The following TBC1D15 variants were observed in gnomAD, a reference collection of about 807,000 sequenced individuals.
The protein encoded by TBC1D15 is TBC1 domain family member 15.
A neutral mutation model predicts 95.4 loss-of-function variants in TBC1D15; 39 were observed. The ratio of observed to expected loss-of-function variants is 0.41; its 90% confidence interval spans 0.32 to 0.53. TBC1D15 has a LOEUF of 0.53. TBC1D15 is among the 20% of genes least tolerant of loss of function. TBC1D15 has a pLI of 0.29. For synonymous variants in TBC1D15, 258 were observed against 261.3 expected, an observed-to-expected ratio of 0.99 and a Z score of 0.12; for missense variants, 733 against 794.3, an observed-to-expected ratio of 0.92 and a Z score of 0.93.
chr12:71,865,043 G>A (rs1008192274), intron 1 of TBC1D15, among the ~76,000 whole-genome samples: 2 of 152,284 alleles, frequency 1.3e-5, no homozygotes, highest in African/African-American at 2.4e-5. Flanking sequence ...CTTAGCTGAG[G>A]GTGTCTAAGT....
At chr12:71,852,670 A>G (rs769970979) in intron 1 of TBC1D15, among the ~76,000 whole-genome samples, 2 of 152,216 alleles carry the variant, frequency 1.3e-5, no homozygotes, top group Non-Finnish European at 1.5e-5. Flanking sequence ...TAAATCATCC[A>G]TCTCAAGTTC....
chr12:71,921,256 A>G (rs1869211664), intron 15 of TBC1D15, 112 bp from the exon 16 acceptor site: 1 of 479,338 alleles, frequency 2.1e-6, no homozygotes. Context: ...GAATGTTTTT[A>G]TTTTAAGGAT....
chr12:71,858,136 G>A (rs906353651), intron 1 of TBC1D15, among the ~76,000 whole-genome samples: 2 of 151,358 alleles, frequency 1.3e-5, no homozygotes, highest in African/African-American at 4.9e-5. Context: ...GCAGTGGCGT[G>A]ACCTCGGCTC....
intron 5 of TBC1D15, among the ~76,000 whole-genome samples, chr12:71,889,147 A>G (rs1896787578): frequency 6.6e-6 from 1 of 152,182 alleles, no homozygotes; most frequent in Non-Finnish European, 1.5e-5. Flanking sequence ...ACCCTTTAAT[A>G]ATCTGGTAAA....
chr12:71,854,196 T>C (rs1888493249), intron 1 of TBC1D15, among the ~76,000 whole-genome samples: 2 of 152,232 alleles, frequency 1.3e-5, no homozygotes, highest in Non-Finnish European at 2.9e-5. Context: ...CAATAGTCAC[T>C]ATCCTTCATT....
intron 1 of TBC1D15, among the ~76,000 whole-genome samples, chr12:71,858,095 G>A (rs551698429): frequency 8.6e-5 from 13 of 150,762 alleles, no homozygotes; most frequent in African/African-American, 2.2e-4. Flanking sequence ...TTTTTGAGAC[G>A]GAGTTTCGCT....
intron 1 of TBC1D15, among the ~76,000 whole-genome samples, chr12:71,858,022 T>C (rs12581621): frequency 0.058 from 8,825 of 152,262 alleles, 359 homozygotes; most frequent in South Asian, 0.15. Flanking sequence ...AGGATTTTTT[T>C]CATTTTTATG....
In TBC1D15 at chr12:71,923,537, C is replaced by G. The variant is rs1375773826; in HGVS notation, c.*333C>G. 4.7e-6 allele frequency: 1 copy of G among 211,510 alleles called. No homozygotes were observed. The highest frequency in any genetic ancestry group is 9.5e-6 in the Non-Finnish European group (1 of 104,972). The allele number at this position is 211,510 out of a possible 1,614,324, so 13.1% of individuals were successfully genotyped here. A position where few individuals can be genotyped will look rare whatever the true frequency, so the allele number is the denominator to read the frequency against. On this transcript the variant is annotated 3_prime_UTR_variant, in exon 17 of 17. Coordinates refer to ENST00000485960, the MANE Select transcript of TBC1D15 (RefSeq NM_001146213.3). ...TTGAAAAACATTCACTTTGTTTAAG[C>G]TTATTGGGTTTCAGATTTGATTAAA...
chr12:71,907,064 A>G lies in TBC1D15; in HGVS notation c.1226A>G (p.Glu409Gly). ...ACAGATCGAACAAACAAGTTTTATG[A>G]AGGCCAAGATAATCCAGGGTTGATT... ...NRTDRTNKFY[E>G]GQDNPGLILL... The change falls in exon 11 of 17, where the codon GAA (glutamate) becomes GGA (glycine). Residue 409 changes from glutamate to glycine, a missense_variant. Transcript: ENST00000485960. 1 of 1,611,872 alleles carries G rather than the reference A, an allele frequency of 6.2e-7. No homozygotes were observed. The highest frequency in any genetic ancestry group is 8.5e-7 in the Non-Finnish European group (1 of 1,178,952).
Position 71,923,355 on chromosome 12 carries a change from G to T in TBC1D15, c.*151G>T. 1.6e-6 allele frequency: 1 copy of T among 635,394 alleles called. No homozygotes were observed. The highest frequency in any genetic ancestry group is 3.2e-5 in the Admixed American group (1 of 30,898). 39.4% of individuals were successfully genotyped at this position (635,394 alleles called of 1,614,324 possible). On this transcript the variant is annotated 3_prime_UTR_variant, in exon 17 of 17. Coordinates refer to ENST00000485960, the MANE Select transcript of TBC1D15 (RefSeq NM_001146213.3). ...TGTTCTTACATTAAAGCTTTACAAA[G>T]ATTTAAACTAATTATTTTTGTAGTT...
intron 11 of TBC1D15, chr12:71,913,557 C>T: frequency 1.1e-5 from 3 of 283,570 alleles, no homozygotes; most frequent in Non-Finnish European, 1.3e-5. Context: ...AAAATATTAC[C>T]CACTCTTGAT....
intron 10 of TBC1D15, among the ~76,000 whole-genome samples, chr12:71,903,142 G>A (rs1050193839): frequency 1.4e-4 from 21 of 152,036 alleles, no homozygotes; most frequent in Non-Finnish European, 2.9e-5. Context: ...TCTTGAACTC[G>A]TGGCCTTGTG....
chr12:71,911,592 G>A (rs1454852276), intron 11 of TBC1D15, among the ~76,000 whole-genome samples: 2 of 109,336 alleles, frequency 1.8e-5, no homozygotes, highest in African/African-American at 3.4e-5. Context: ...ATGGACACAG[G>A]AAGGGGAACA....
chr12:71,920,607 T>C, intron 14 of TBC1D15, 124 bp from the exon 15 acceptor site: 1 of 743,310 alleles, frequency 1.3e-6, no homozygotes, highest in South Asian at 1.6e-5. Flanking sequence ...AGAAAAACCT[T>C]GGGCTACCCT....
At chr12:71,899,896 C>A (rs943577475) in intron 10 of TBC1D15, among the ~76,000 whole-genome samples, 1 of 151,926 alleles carries the variant, frequency 6.6e-6, no homozygotes, top group East Asian at 1.9e-4. Context: ...GGGGTTGAGG[C>A]CACAGTGAGC....
chr12:71,896,222 A>C (rs555604546), intron 8 of TBC1D15, 147 bp downstream of exon 8: 1 of 671,752 alleles, frequency 1.5e-6, no homozygotes, highest in Non-Finnish European at 2.3e-6. Flanking sequence ...GAACTCTGTT[A>C]TTTCTTTGAT....
chr12:71,917,604 C>T, intron 12 of TBC1D15, 94 bp from the exon 13 acceptor site: 1 of 791,834 alleles, frequency 1.3e-6, no homozygotes, highest in Non-Finnish European at 2.0e-6. Context: ...ATAAGTTCAG[C>T]ATTTGTCCTT....
At chr12:71,892,344 G>A (rs889394940) in intron 5 of TBC1D15, among the ~76,000 whole-genome samples, 3 of 151,984 alleles carry the variant, frequency 2.0e-5, no homozygotes, top group Non-Finnish European at 4.4e-5. Flanking sequence ...AGGGATAACT[G>A]TTATTAAAGA....
At position 71,923,324 on chromosome 12, in the gene TBC1D15, T is replaced by A; in HGVS notation, c.*120T>A. ...CTTTAAGGTTTATGTAAAGAAAGTG[T>A]ACTGATGTTCTTACATTAAAGCTTT... On this transcript the variant is annotated 3_prime_UTR_variant, in exon 17 of 17. Coordinates refer to ENST00000485960, the MANE Select transcript of TBC1D15 (RefSeq NM_001146213.3). 3 of 842,256 alleles carry A rather than the reference T, an allele frequency of 3.6e-6. No individual in the cohort carries two copies. The highest frequency in any genetic ancestry group is 5.6e-6 in the Non-Finnish European group (3 of 539,674). 52.2% of individuals were successfully genotyped at this position (842,256 alleles called of 1,614,324 possible).
Sources: allele counts gnomAD v4.1 joint callset (sites outside exome capture counted in the v4.1 genomes callset), GRCh38; gene constraint gnomAD v4.1.1; transcripts MANE v1.5; gene names NCBI Gene and HGNC (gene_info 2026-07-23, HGNC 2026-07-21).